KAZN: variants seen among roughly 807,000 people sequenced by gnomAD.
The protein encoded by KAZN is kazrin, periplakin interacting protein.
Under a neutral mutation model 87.4 loss-of-function variants are expected in KAZN, and 40 were observed. The ratio of observed to expected loss-of-function variants is 0.46; its 90% confidence interval spans 0.36 to 0.60. KAZN has a LOEUF of 0.60. Ranked by LOEUF, KAZN falls within the 20% of genes least tolerant of loss-of-function variation. The pLI is 0.00. For synonymous variants in KAZN, 466 were observed against 458.3 expected (o/e 1.02, Z -0.22); for missense variants, 898 against 1,073.9 (o/e 0.84, Z 2.29).
At chr1:14,080,021 C>A (rs1171455556) in intron 1 of KAZN, among the ~76,000 whole-genome samples, 3 of 147,924 alleles carry the variant, frequency 2.0e-5, no homozygotes, top group Non-Finnish European at 4.5e-5. Flanking sequence ...CTCAAAGGCC[C>A]CACTTTCTAA....
At chr1:14,457,818 T>TGG (rs200381191) in intron 2 of KAZN, among the ~76,000 whole-genome samples, 1 of 148,912 alleles carries the variant, frequency 6.7e-6, no homozygotes, top group African/African-American at 2.5e-5. Context: ...TGTTGTTTTT[T>TGG]GTTTTGTTTT....
At chr1:13,979,211 C>T (rs907398794) in intron 1 of KAZN, among the ~76,000 whole-genome samples, 1 of 152,048 alleles carries the variant, frequency 6.6e-6, no homozygotes, top group African/African-American at 2.4e-5. Flanking sequence ...GGAAACCCGT[C>T]CCCCAAAGCT....
chr1:13,913,245 TAGAG>T (rs1020311456), intron 1 of KAZN, among the ~76,000 whole-genome samples: 16 of 152,172 alleles, frequency 1.1e-4, no homozygotes, highest in African/African-American at 3.6e-4. Context: ...TTCAGCAAGT[TAGAG>T]AGAAACTAGA....
intron 2 of KAZN, among the ~76,000 whole-genome samples, chr1:14,500,100 A>G (rs777797516): frequency 2.6e-5 from 4 of 152,200 alleles, no homozygotes; most frequent in Admixed American, 6.5e-5. Flanking sequence ...AATACTTTCT[A>G]TGAAAGAGAA....
chr1:14,148,763 C>T (rs1645406013), intron 1 of KAZN, among the ~76,000 whole-genome samples: 1 of 152,154 alleles, frequency 6.6e-6, no homozygotes, highest in Non-Finnish European at 1.5e-5. Context: ...TGATGGTGAA[C>T]AGGTGGCACC....
intron 2 of KAZN, among the ~76,000 whole-genome samples, chr1:14,247,294 G>T (rs147561770): frequency 1.7e-4 from 26 of 152,196 alleles, no homozygotes; most frequent in Middle Eastern, 6.8e-3. Context: ...TAATTTTAAG[G>T]TCAGAAAAAC....
intron 1 of KAZN, among the ~76,000 whole-genome samples, chr1:14,136,284 C>T (rs1173188685): frequency 6.6e-6 from 1 of 152,100 alleles, no homozygotes; most frequent in Non-Finnish European, 1.5e-5. Context: ...ACTCCATCTC[C>T]CTGTGACCTT....
At chr1:14,596,742 G>C (rs774352748), upstream of KAZN, among the ~76,000 whole-genome samples, 2 of 152,156 alleles carry the variant, frequency 1.3e-5, no homozygotes, top group Non-Finnish European at 2.9e-5. Context: ...CTAACATAAT[G>C]TTTTGGAGCT....
chr1:14,987,969 G>A (rs1666993507), intron 2 of KAZN, among the ~76,000 whole-genome samples: 1 of 152,174 alleles, frequency 6.6e-6, no homozygotes, highest in South Asian at 2.1e-4. Context: ...AGCAGGAGTT[G>A]GGCTTGAGCA....
At chr1:14,426,910 T>A (rs1380021908) in intron 2 of KAZN, among the ~76,000 whole-genome samples, 4 of 152,188 alleles carry the variant, frequency 2.6e-5, no homozygotes, top group Admixed American at 6.5e-5. Context: ...TTTCACATCC[T>A]TGGATTCTTC....
rs115520046 is a variant in KAZN, at chr1:14,423,983, C to T, written c.250-175000C>T. Among the ~76,000 whole-genome samples, 561 of 152,286 alleles carry T rather than the reference C, an allele frequency of 3.7e-3. 1 individual carries two copies. Among genetic ancestry groups the T allele is most frequent in the African/African-American group, 0.013 (543 of 41,560 alleles). On this transcript the variant is annotated intron_variant, in intron 2 of 16. Coordinates refer to the KAZN transcript ENST00000636203. ...GATGGGACAGGCAGAGAGCTGGGCA[C>T]GTAACTTGAGCCCCTGGATACATAT...
At chr1:14,761,623 CT>C (rs1644741520) in intron 1 of KAZN, among the ~76,000 whole-genome samples, 2 of 152,210 alleles carry the variant, frequency 1.3e-5, no homozygotes, top group Non-Finnish European at 2.9e-5. Context: ...AAGTGATTAT[CT>C]TGGTTGTAAA....
intron 2 of KAZN, among the ~76,000 whole-genome samples, chr1:14,330,812 C>CAGA (rs1656801733): frequency 6.6e-6 from 1 of 152,128 alleles, no homozygotes; most frequent in African/African-American, 2.4e-5. Flanking sequence ...ACTATGGAAC[C>CAGA]ATTGCAAAGA....
chr1:14,152,376 T>C (rs1360113665), intron 1 of KAZN, among the ~76,000 whole-genome samples: 1 of 152,208 alleles, frequency 6.6e-6, no homozygotes, highest in Non-Finnish European at 1.5e-5. Flanking sequence ...TTCTACTCTT[T>C]ACCTCCATGA....
chr1:14,542,393 A>G (rs1397618109), intron 2 of KAZN, among the ~76,000 whole-genome samples: 1 of 151,962 alleles, frequency 6.6e-6, no homozygotes. Flanking sequence ...ATGTATACAT[A>G]TGTAACAAAC....
At chr1:14,107,220 G>A (rs1644396534) in intron 1 of KAZN, among the ~76,000 whole-genome samples, 1 of 151,660 alleles carries the variant, frequency 6.6e-6, no homozygotes, top group African/African-American at 2.4e-5. Context: ...CTGGAGGTAA[G>A]AGCCTTTCTC....
chr1:14,039,938 G>A (rs1372307766), intron 1 of KAZN, among the ~76,000 whole-genome samples: 2 of 152,198 alleles, frequency 1.3e-5, no homozygotes, highest in Non-Finnish European at 2.9e-5. Context: ...CAACGATACT[G>A]ACATGCATAT....
At chr1:14,656,360 G>A (rs1185632250) in intron 1 of KAZN, among the ~76,000 whole-genome samples, 1 of 152,188 alleles carries the variant, frequency 6.6e-6, no homozygotes. Flanking sequence ...AACCCAGACA[G>A]TGGGGTCAGC....
chr1:15,024,677 TCA>T (rs1337221649), intron 2 of KAZN, among the ~76,000 whole-genome samples: 1 of 152,166 alleles, frequency 6.6e-6, no homozygotes, highest in Non-Finnish European at 1.5e-5. Flanking sequence ...GAAGTGACCC[TCA>T]CACTCCTGGA....
Sources: allele counts gnomAD v4.1 joint callset (sites outside exome capture counted in the v4.1 genomes callset), GRCh38; gene constraint gnomAD v4.1.1; transcripts MANE v1.5; gene names NCBI Gene and HGNC (gene_info 2026-07-23, HGNC 2026-07-21).